The following SEZ6 variants were observed in gnomAD, a reference collection of about 807,000 sequenced individuals.
SEZ6 encodes seizure protein 6 homolog.
Under a neutral mutation model 101.0 loss-of-function variants are expected in SEZ6, and 53 were observed. The ratio of observed to expected loss-of-function variants is 0.52; its 90% CI spans 0.42 to 0.66. SEZ6 has a LOEUF of 0.66. SEZ6 is among the 30% of genes least tolerant of loss of function. SEZ6 has a pLI of 0.00. For synonymous variants in SEZ6, 488 were observed against 512.2 expected (o/e 0.95, Z 0.64); for missense variants, 1,102 against 1,289.4 (o/e 0.85, Z 2.23).
chr17:28,958,512 A>G (rs547191475), intron 10 of SEZ6, among the ~76,000 whole-genome samples: 1 of 152,168 alleles, frequency 6.6e-6, no homozygotes, highest in Non-Finnish European at 1.5e-5. Flanking sequence ...TGTTCTGGCC[A>G]GGTGCAGTGG....
intron 1 of SEZ6, among the ~76,000 whole-genome samples, chr17:28,986,600 G>C (rs946522427): frequency 6.6e-6 from 1 of 152,128 alleles, no homozygotes. Context: ...GAGTCATTAC[G>C]CAGTGCCCCA....
In SEZ6 at chr17:29,005,824, G is replaced by A; in HGVS notation, c.46C>T (p.Leu16=). The change falls in exon 1 of 17, where the codon CTG becomes TTG. Residue 16 remains leucine (L), a synonymous_variant. Coordinates refer to ENST00000317338, the MANE Select transcript of SEZ6 (RefSeq NM_178860.5). The surrounding 1 kb of genome is among the most constrained non-coding windows in gnomAD (Gnocchi z 4.8). ...TGCCGGGGTCCCTTACCGTGAGCCA[G>A]GAGCGCCAGCAGCGAGGGCAGGAGC... The part of the protein sequence containing the change: ...LLLLPSLLAL[L]AHGLSLEAPT... The A allele has an allele frequency of 6.7e-7, 1 of 1,486,468 alleles. No homozygotes were observed. Among genetic ancestry groups the A allele is most frequent in the Non-Finnish European group, 8.9e-7 (1 of 1,118,644 alleles). The allele number at this position is 1,486,468 out of a possible 1,614,324, so 92.1% of individuals were successfully genotyped here. A position where few individuals can be genotyped will look rare whatever the true frequency, so the allele number is the denominator to read the frequency against.
In SEZ6 at chr17:28,959,077, G is replaced by A; in HGVS notation, c.2055C>T (p.Asp685=). The change falls in exon 10 of 17, where the codon GAC becomes GAT. Residue 685 remains aspartate (D), a synonymous_variant. Coordinates refer to ENST00000317338, the MANE Select transcript of SEZ6 (RefSeq NM_178860.5). The surrounding 1 kb of genome is among the most constrained non-coding windows in gnomAD (Gnocchi z 4.4). ...MADVTIQFQS[D]PGTSVLGYQQ... ...GGTAGCCCAGCACTGAGGTCCCGGG[G>A]TCCGACTGGAACTGAATGGTGACAT... 6.2e-7 allele frequency: 1 copy of A among 1,614,000 alleles called. No individual in the cohort carries two copies. The highest frequency in any genetic ancestry group is 8.5e-7 in the Non-Finnish European group (1 of 1,179,884).
At chr17:28,979,251 T>C (rs2152688659) in intron 3 of SEZ6, among the ~76,000 whole-genome samples, 1 of 152,268 alleles carries the variant, frequency 6.6e-6, no homozygotes, top group Middle Eastern at 3.4e-3. Flanking sequence ...TCTGATGGTG[T>C]AATCAGGTCT....
At chr17:28,958,315 G>A (rs527529653) in intron 10 of SEZ6, among the ~76,000 whole-genome samples, 174 bp from the exon 11 acceptor site, 1 of 152,302 alleles carries the variant, frequency 6.6e-6, no homozygotes, top group South Asian at 2.1e-4. Flanking sequence ...GCCTGACATT[G>A]CTCTGTCTCC....
chr17:28,956,890 G>A, intron 13 of SEZ6, 133 bp from the exon 14 acceptor site: 1 of 1,355,042 alleles, frequency 7.4e-7, no homozygotes, highest in Non-Finnish European at 1.0e-6. Context: ...ATTTGTCTTG[G>A]TGATGCCAGG....
chr17:28,972,506 C>T (rs2041166069), intron 3 of SEZ6, among the ~76,000 whole-genome samples: 1 of 152,146 alleles, frequency 6.6e-6, no homozygotes, highest in Admixed American at 6.5e-5. Flanking sequence ...GAGGAAAGAC[C>T]TGGTGGGTCT....
In SEZ6 at chr17:28,964,157, G is replaced by A. The variant is rs759764348; in HGVS notation, c.1055-10C>T. ...CAGCTCAGGAGATAGGCTGCAAACAGAGAACGGGTGACACTGTGTATGTGT... is the reference window on the plus strand; with the variant it reads ...CAGCTCAGGAGATAGGCTGCAAACAAAGAACGGGTGACACTGTGTATGTGT... On this transcript the variant is annotated splice_polypyrimidine_tract_variant and intron_variant, in intron 4 of 16. Coordinates refer to ENST00000317338, the MANE Select transcript of SEZ6 (RefSeq NM_178860.5). 2.0e-5 allele frequency: 31 copies of A among 1,569,102 alleles called. No homozygotes were observed. In the South Asian group the frequency reaches 3.5e-4, roughly 18 times the overall value.
At position 28,956,143 on chromosome 17, in the gene SEZ6, T is replaced by C; in HGVS notation, c.2952+16A>G. ...TGGGTCTTGGATAGGGTGGCAAGGC[T>C]GGCATGGTTACTTACTCCAGTCTCG... On this transcript the variant is annotated intron_variant, in intron 16 of 16. Transcript: ENST00000317338. 1 of 1,597,262 alleles carries C rather than the reference T, an allele frequency of 6.3e-7. No homozygotes were observed. The highest frequency in any genetic ancestry group is 1.1e-5 in the South Asian group (1 of 90,390).
At position 28,960,649 on chromosome 17, in the gene SEZ6, T is replaced by C. The variant is rs755777231; in HGVS notation, c.1432A>G (p.Asn478Asp). 6.2e-7 allele frequency: 1 copy of C among 1,602,996 alleles called. No individual in the cohort carries two copies. Among genetic ancestry groups the C allele is most frequent in the African/African-American group, 1.3e-5 (1 of 74,666 alleles). The stretch of plus-strand genomic sequence containing the variant: ...TCATACACTGGTGGGGCCTCCACGT[T>C]GTCCCCATTGCGAATGATGAGCCTG... The part of the protein sequence containing the change: ...DDRLIIRNGD[N>D]VEAPPVYDSY... Residue 478 changes from asparagine (N) to aspartate (D), a missense_variant, in exon 7 of 17, where the codon AAC becomes GAC. Asn to Asp is a conservative substitution (Grantham distance 23). Coordinates refer to ENST00000317338, the MANE Select transcript of SEZ6 (RefSeq NM_178860.5).
Position 29,005,522 on chromosome 17 carries a change from G to A in SEZ6, c.55+293C>T, listed in dbSNP as rs1206715389. On this transcript the variant is annotated intron_variant, in intron 1 of 16. Coordinates refer to ENST00000317338, the MANE Select transcript of SEZ6 (RefSeq NM_178860.5). This position sits in a 1 kb window ranked among gnomAD's most constrained non-coding sequence, Gnocchi z 4.8. The stretch of plus-strand genomic sequence containing the variant: ...CGAGGTAGCGCGCGGGTGAGCGCGT[G>A]TGTGCGGGGAGTGGGTGGCGTGATG... Among the ~76,000 whole-genome samples, 1 of 152,222 alleles carries A rather than the reference G, an allele frequency of 6.6e-6. No homozygotes were observed. Among genetic ancestry groups the A allele is most frequent in the East Asian group, 1.9e-4 (1 of 5,168 alleles).
rs147874966 is a variant in SEZ6, at chr17:28,987,827, A to T, written c.56-5788T>A. ...GAAGACACTGAAGCCCAGAATGGTT[A>T]TGTAACTTGTCCAAGGTCACGCAGC... On this transcript the variant is annotated intron_variant, in intron 1 of 16. Coordinates refer to ENST00000317338, the MANE Select transcript of SEZ6 (RefSeq NM_178860.5). Among the ~76,000 whole-genome samples the T allele has an allele frequency of 3.3e-5, 5 of 152,312 alleles. No individual in the cohort carries two copies. The East Asian group carries it at 5.8e-4, about 18-fold the overall frequency.
intron 4 of SEZ6, among the ~76,000 whole-genome samples, chr17:28,965,309 G>A (rs906435498): frequency 6.6e-6 from 1 of 152,180 alleles, no homozygotes; most frequent in African/African-American, 2.4e-5. Context: ...CCGAGATCGT[G>A]CCATTGCGCT....
At position 28,964,076 on chromosome 17, in the gene SEZ6, C is replaced by G; in HGVS notation, c.1126G>C (p.Gly376Arg). ...GCACAATGGAAGCGGGCACTACCCC[C>G]TGGGTGGAGGCTGGTGACAGTCACA... The part of the protein sequence containing the change: ...GDVTVTSLHP[G>R]GSARFHCATG... The change falls in exon 5 of 17, where the codon GGG becomes CGG. Residue 376 changes from glycine (G) to arginine (R), a missense_variant. Physicochemically the swap from Gly to Arg is moderately radical, Grantham distance 125. Around this residue, in one of 3 missense-constraint regions of SEZ6, gnomAD observed 556 missense variants for 735.1 expected, o/e 0.76. Coordinates refer to ENST00000317338, the MANE Select transcript of SEZ6 (RefSeq NM_178860.5). 2.5e-6 allele frequency: 4 copies of G among 1,607,992 alleles called. No individual in the cohort carries two copies. The highest frequency in any genetic ancestry group is 3.4e-6 in the Non-Finnish European group (4 of 1,177,158).
At chr17:28,984,731 G>A (rs986008124) in intron 1 of SEZ6, among the ~76,000 whole-genome samples, 7 of 152,164 alleles carry the variant, frequency 4.6e-5, no homozygotes, top group African/African-American at 1.7e-4. Context: ...GCCATTTCTG[G>A]GGAGAGGGCA....
rs531860015 is a variant in SEZ6, at chr17:28,960,212, C to T, written c.1576+293G>A. 127 of 576,562 alleles carry T rather than the reference C, an allele frequency of 2.2e-4. 1 individual carries two copies. In the South Asian group the frequency reaches 2.2e-3, roughly 10 times the overall value. The allele number at this position is 576,562 out of a possible 1,614,324, so 35.7% of individuals were successfully genotyped here. On this transcript the variant is annotated intron_variant, in intron 7 of 16. Transcript: ENST00000317338. ...ATAAATGGTTCTAGAATGTCTCTTA[C>T]AGCAATTCTTTCTTAAGGGTTGAGG...
chr17:28,956,450 C>T lies in SEZ6; in HGVS notation c.2749G>A (p.Ala917Thr). ...TGGGCAGCATCCAGGGTGCTGGAGG[C>T]AGCAGGTGCCTTGGCAACTGAAGAC... ...RSLDVAKAPA[A>T]SSTLDAAHIA... Residue 917 changes from alanine to threonine, a missense_variant, in exon 15 of 17, where the codon GCC becomes ACC. By Grantham distance (58) the Ala-to-Thr change is moderately conservative. Coordinates refer to ENST00000317338, the MANE Select transcript of SEZ6 (RefSeq NM_178860.5). The T allele has an allele frequency of 6.4e-7, 1 of 1,556,520 alleles. No homozygotes were observed. The highest frequency in any genetic ancestry group is 1.2e-5 in the South Asian group (1 of 84,348).
At position 28,955,648 on chromosome 17, in the gene SEZ6, G is replaced by A. The variant is rs2040866598; in HGVS notation, c.*314C>T. 1.7e-6 allele frequency: 1 copy of A among 597,274 alleles called. No individual in the cohort carries two copies. The highest frequency in any genetic ancestry group is 3.1e-6 in the Non-Finnish European group (1 of 317,540). 37.0% of individuals were successfully genotyped at this position (597,274 alleles called of 1,614,324 possible). ...CTCCTGCTCTGCTAGTGTGTTCCAG[G>A]CTGGTCCAGGGCATGAGGAGGCTCA... On this transcript the variant is annotated 3_prime_UTR_variant, in exon 17 of 17. Coordinates refer to ENST00000317338, the MANE Select transcript of SEZ6 (RefSeq NM_178860.5).
intron 1 of SEZ6, among the ~76,000 whole-genome samples, chr17:29,001,572 T>C (rs1428758249): frequency 6.6e-6 from 1 of 152,194 alleles, no homozygotes; most frequent in African/African-American, 2.4e-5. Flanking sequence ...TGAGCCAGAT[T>C]GGTCCGGGAG....
Sources: gnomAD v4.1 joint callset for allele counts (sites outside exome capture counted in the v4.1 genomes callset) on GRCh38, gnomAD v4.1.1 for gene constraint, gnomAD v4.1.1 regional missense constraint, Gnocchi (gnomAD v3.1) non-coding constraint, MANE v1.5 for transcripts, NCBI Gene and HGNC (gene_info 2026-07-23, HGNC 2026-07-21) for gene names.